The following SNTG2 variants were observed in gnomAD, a reference collection of about 807,000 sequenced individuals.
The protein encoded by SNTG2 is gamma-2-syntrophin.
Under a neutral mutation model 70.9 loss-of-function variants are expected in SNTG2, and 74 were observed. The ratio of observed to expected loss-of-function variants is 1.04; its 90% CI spans 0.86 to 1.27. The LOEUF is 1.27. Among genes scored for constraint, SNTG2 ranks in the 50% most tolerant of loss-of-function variants. The probability of loss-of-function intolerance (pLI) is 0.00; values close to 1 mark genes in which losing one functional copy is unlikely to be tolerated. For synonymous variants in SNTG2, 278 were observed against 273.8 expected, an observed-to-expected ratio of 1.02 and a Z score of -0.15; for missense variants, 717 against 690.7, an observed-to-expected ratio of 1.04 and a Z score of -0.43.
chr2:977,795 A>G (rs1434116616), intron 1 of SNTG2, among the ~76,000 whole-genome samples: 2 of 151,650 alleles, frequency 1.3e-5, no homozygotes, highest in East Asian at 3.9e-4. Context: ...CCATAACCTC[A>G]TTTCCGCCCT....
chr2:1,056,414 G>A (rs1426948062), intron 1 of SNTG2, among the ~76,000 whole-genome samples: 2 of 17,952 alleles, frequency 1.1e-4, no homozygotes, highest in Non-Finnish European at 1.9e-4. Flanking sequence ...GAGGGAGAGC[G>A]CAGCGCCACG....
chr2:955,524 C>T (rs1411532960), intron 1 of SNTG2, among the ~76,000 whole-genome samples: 1 of 152,182 alleles, frequency 6.6e-6, no homozygotes, highest in Non-Finnish European at 1.5e-5. Flanking sequence ...ATGGACTGAC[C>T]AGGAAATCAC....
At chr2:1,106,567 G>A (rs62107409) in intron 4 of SNTG2, among the ~76,000 whole-genome samples, 35 of 114,530 alleles carry the variant, frequency 3.1e-4, no homozygotes, top group Middle Eastern at 7.2e-3. Context: ...GGTGCAGGGT[G>A]TGGAGAGCTC....
In SNTG2 at chr2:1,222,114, T is replaced by G. The variant is rs1182494595; in HGVS notation, c.719+12884T>G. ...CTCTCTGTCTCTCTCTGTCTCTCTCTGTCTCTCTCTGTCTCTCTCTGTCTC... is the reference window on the plus strand; with the variant it reads ...CTCTCTGTCTCTCTCTGTCTCTCTCGGTCTCTCTCTGTCTCTCTCTGTCTC... On this transcript the variant is annotated intron_variant, in intron 9 of 16. Transcript: ENST00000308624. 4.5e-5 allele frequency among the ~76,000 whole-genome samples: 4 copies of G among 89,304 alleles called. No individual in the cohort carries two copies. The Admixed American group carries it at 5.0e-4, about 11-fold the overall frequency. The allele number at this position is 89,304 out of a possible 152,430, so 58.6% of individuals were successfully genotyped here. A position where few individuals can be genotyped will look rare whatever the true frequency, so the allele number is the denominator to read the frequency against.
At position 1,154,816 on chromosome 2, in the gene SNTG2, T is replaced by C. The variant is rs1669745419; in HGVS notation, c.412-10732T>C. On this transcript the variant is annotated intron_variant, in intron 6 of 16. Coordinates refer to ENST00000308624, the MANE Select transcript of SNTG2 (RefSeq NM_018968.4). ...CTCCAACACATACATCCCACACATA[T>C]CACATACACCACACATATACACACA... Among the ~76,000 whole-genome samples, 3 of 151,652 alleles carry C rather than the reference T, an allele frequency of 2.0e-5. No individual in the cohort carries two copies. The South Asian group carries it at 6.2e-4, about 31-fold the overall frequency.
At chr2:1,130,538 C>T (rs1343730494) in intron 4 of SNTG2, among the ~76,000 whole-genome samples, 2 of 152,194 alleles carry the variant, frequency 1.3e-5, no homozygotes, top group African/African-American at 4.8e-5. Context: ...TACATCATCA[C>T]AGTCGGGCTG....
Position 1,267,465 on chromosome 2 carries a change from C to T in SNTG2, c.1178C>T (p.Ala393Val). ...DQRPYCFSIV[A>V]GHGKSHVFNV... is the part of the protein sequence containing the mutation. ...AGGCCCTATTGCTTCAGCATCGTGG[C>T]CGGCCATGGGAAGAGCCATGTTTTC... is the stretch of plus-strand genomic sequence containing the variant. Residue 393 changes from alanine (A) to valine (V), a missense_variant, in exon 14 of 17, where the codon GCC becomes GTC. Transcript: ENST00000308624. The T allele has an allele frequency of 6.2e-7, 1 of 1,613,756 alleles. No individual in the cohort carries two copies. Among genetic ancestry groups the T allele is most frequent in the Non-Finnish European group, 8.5e-7 (1 of 1,179,810 alleles).
chr2:1,203,402 A>C (rs146071093), intron 8 of SNTG2, among the ~76,000 whole-genome samples: 1,937 of 152,098 alleles, frequency 0.013, 45 homozygotes, highest in African/African-American at 0.042. Context: ...TCACACTTGT[A>C]ATCCCAGCAC....
intron 14 of SNTG2, among the ~76,000 whole-genome samples, chr2:1,281,953 A>G (rs1015607420): frequency 1.3e-5 from 2 of 152,064 alleles, no homozygotes; most frequent in African/African-American, 2.4e-5. Flanking sequence ...GAGCCTTGTG[A>G]CCTTGCTACC....
At chr2:1,177,278 A>T (rs1671543608) in intron 8 of SNTG2, among the ~76,000 whole-genome samples, 1 of 152,132 alleles carries the variant, frequency 6.6e-6, no homozygotes, top group African/African-American at 2.4e-5. Flanking sequence ...GAACTGAACT[A>T]TGAGAACACA....
At chr2:1,255,885 A>AATATAAAT (rs1678060266) in intron 12 of SNTG2, among the ~76,000 whole-genome samples, 1 of 90,476 alleles carries the variant, frequency 1.1e-5, no homozygotes, top group Admixed American at 1.5e-4. Flanking sequence ...TATATATATA[A>AATATAAAT]ATATATATAA....
At chr2:1,015,218 G>A (rs533790428) in intron 1 of SNTG2, among the ~76,000 whole-genome samples, 1 of 152,128 alleles carries the variant, frequency 6.6e-6, no homozygotes, top group African/African-American at 2.4e-5. Flanking sequence ...GTTGGTGGCT[G>A]TTCAGATGCA....
At chr2:1,188,576 G>A (rs1013421820) in intron 8 of SNTG2, among the ~76,000 whole-genome samples, 1 of 152,096 alleles carries the variant, frequency 6.6e-6, no homozygotes, top group Non-Finnish European at 1.5e-5. Flanking sequence ...AGCAATACCA[G>A]AAAACACATG....
intron 13 of SNTG2, among the ~76,000 whole-genome samples, chr2:1,266,289 A>G (rs1384206377): frequency 1.3e-5 from 2 of 152,160 alleles, no homozygotes; most frequent in Admixed American, 1.3e-4. Context: ...TGGGACCCCC[A>G]GTCTTTCTCT....
chr2:1,287,266 T>C (rs1003699806), intron 14 of SNTG2, among the ~76,000 whole-genome samples: 2 of 152,304 alleles, frequency 1.3e-5, no homozygotes, highest in Non-Finnish European at 2.9e-5. Flanking sequence ...TTAATTTCTT[T>C]AGAGAAAAGC....
chr2:1,062,763 C>A (rs930587905), intron 1 of SNTG2, among the ~76,000 whole-genome samples: 17 of 152,090 alleles, frequency 1.1e-4, no homozygotes, highest in African/African-American at 3.9e-4. Context: ...GGAAATGTGA[C>A]CACATTAAGC....
At chr2:1,322,329 C>G (rs895575894) in intron 16 of SNTG2, among the ~76,000 whole-genome samples, 1 of 152,084 alleles carries the variant, frequency 6.6e-6, no homozygotes, top group African/African-American at 2.4e-5. Context: ...GCAGCTAACT[C>G]CCCCAAAGCC....
At chr2:1,132,766 C>T (rs1381636924) in intron 4 of SNTG2, among the ~76,000 whole-genome samples, 2 of 152,136 alleles carry the variant, frequency 1.3e-5, no homozygotes, top group Admixed American at 1.3e-4. Context: ...TGATACGATC[C>T]ATTAACCAGA....
chr2:974,131 C>T (rs531527329), intron 1 of SNTG2, among the ~76,000 whole-genome samples: 8 of 152,216 alleles, frequency 5.3e-5, no homozygotes, highest in South Asian at 2.1e-4. Flanking sequence ...CTTCTTTGGC[C>T]GGATGTTACC....
Sources: gnomAD v4.1 joint callset for allele counts (sites outside exome capture counted in the v4.1 genomes callset) on GRCh38, gnomAD v4.1.1 for gene constraint, MANE v1.5 for transcripts, NCBI Gene and HGNC (gene_info 2026-07-23, HGNC 2026-07-21) for gene names.